The following EYS variants were observed in gnomAD, a reference collection of about 807,000 sequenced individuals.
EYS encodes the protein EGF-like photoreceptor maintenance factor, also known as protein eyes shut homolog.
A neutral mutation model predicts 282.1 loss-of-function variants in EYS; 250 were observed. The ratio of observed to expected loss-of-function variants is 0.89; its 90% CI spans 0.80 to 0.98. EYS has a LOEUF of 0.98. Ranked by LOEUF, EYS falls within the 50% of genes least tolerant of loss-of-function variation. The probability of loss-of-function intolerance (pLI) is 0.00; values close to 1 mark genes in which losing one functional copy is unlikely to be tolerated. For synonymous variants in EYS, 1,355 were observed against 1,282.9 expected (o/e 1.06, Z -1.20); for missense variants, 4,016 against 3,709.0 (o/e 1.08, Z -2.15).
chr6:65,009,572 G>A (rs1482689515), intron 13 of EYS, among the ~76,000 whole-genome samples: 3 of 152,152 alleles, frequency 2.0e-5, no homozygotes, highest in East Asian at 3.9e-4. Flanking sequence ...CACCTGGACT[G>A]TTTTACCCCA....
In EYS at chr6:64,971,467, GA is replaced by G. The variant is rs1354228308; in HGVS notation, c.2260-25554del. On this transcript the variant is annotated intron_variant, in intron 14 of 42. Transcript: ENST00000503581. Reference sequence around the variant, plus strand: ...AGCTGCTACACACTAAGTTTGAAGGGAAAAAAAATAAACAGCTTCCAGTTTT... The same window carrying G: ...AGCTGCTACACACTAAGTTTGAAGGGAAAAAAATAAACAGCTTCCAGTTTT... 2.0e-5 allele frequency among the ~76,000 whole-genome samples: 3 copies of G among 151,768 alleles called. No individual in the cohort carries two copies. In the East Asian group the frequency reaches 5.8e-4, roughly 29 times the overall value.
intron 11 of EYS, among the ~76,000 whole-genome samples, chr6:65,319,236 C>T (rs1315052880): frequency 1.4e-5 from 2 of 144,812 alleles, no homozygotes; most frequent in Admixed American, 6.8e-5. Context: ...AACAATTAGC[C>T]GGGCATCGTG....
Position 64,197,407 on chromosome 6 carries a change from A to G in EYS, c.6424+33185T>C, listed in dbSNP as rs960518951. Among the ~76,000 whole-genome samples, 7 of 152,140 alleles carry G rather than the reference A, an allele frequency of 4.6e-5. No homozygotes were observed. In the South Asian group the frequency reaches 1.2e-3, roughly 27 times the overall value. ...CCTAAAATTTATCTCCTGTCCTTAA[A>G]CATATTTCCCAACAGTTTGAGAAGC... On this transcript the variant is annotated intron_variant, in intron 31 of 42. Coordinates refer to ENST00000503581, the MANE Select transcript of EYS (RefSeq NM_001142800.2).
At chr6:64,124,358 GA>G (rs1773691354) in intron 31 of EYS, among the ~76,000 whole-genome samples, 1 of 152,112 alleles carries the variant, frequency 6.6e-6, no homozygotes, top group Non-Finnish European at 1.5e-5. Context: ...CTCTCTAGGG[GA>G]AAGTTTTGGA....
intron 12 of EYS, among the ~76,000 whole-genome samples, chr6:65,117,096 A>G (rs1464386889): frequency 6.6e-6 from 1 of 152,204 alleles, no homozygotes; most frequent in Non-Finnish European, 1.5e-5. Flanking sequence ...TTTAATTGCC[A>G]GACTGCAACT....
intron 11 of EYS, among the ~76,000 whole-genome samples, chr6:65,298,959 A>C (rs1474913510): frequency 6.6e-6 from 1 of 152,064 alleles, no homozygotes; most frequent in African/African-American, 2.4e-5. Context: ...ATTTATACAG[A>C]AATGGAAGTC....
intron 35 of EYS, among the ~76,000 whole-genome samples, chr6:63,895,221 C>T (rs575612517): frequency 1.0e-3 from 128 of 125,748 alleles, no homozygotes; most frequent in Non-Finnish European, 1.9e-3. Context: ...TAGATAGCAT[C>T]TTTTCCCACA....
chr6:65,283,619 TAG>T (rs1768282394), intron 12 of EYS, among the ~76,000 whole-genome samples: 1 of 152,046 alleles, frequency 6.6e-6, no homozygotes, highest in Admixed American at 6.6e-5. Flanking sequence ...AATAGTAAAA[TAG>T]AGTTACTCTG....
chr6:64,575,464 C>T (rs953414817), intron 26 of EYS, among the ~76,000 whole-genome samples: 1 of 152,102 alleles, frequency 6.6e-6, no homozygotes, highest in African/African-American at 2.4e-5. Context: ...AAGGAAGAGA[C>T]AGCTTCATGG....
intron 29 of EYS, among the ~76,000 whole-genome samples, chr6:64,355,945 C>T (rs1489135434): frequency 2.0e-5 from 3 of 151,580 alleles, no homozygotes; most frequent in Non-Finnish European, 4.4e-5. Flanking sequence ...TTTAAGATGC[C>T]AGGCACTCTG....
intron 35 of EYS, among the ~76,000 whole-genome samples, chr6:63,915,826 G>A (rs982242687): frequency 4.9e-4 from 75 of 152,280 alleles, no homozygotes; most frequent in African/African-American, 1.5e-3. Flanking sequence ...GGAGCCTGAA[G>A]ATGTGACTGA....
chr6:64,423,500 C>A (rs1431082198), intron 28 of EYS, among the ~76,000 whole-genome samples: 1 of 152,140 alleles, frequency 6.6e-6, no homozygotes, highest in Non-Finnish European at 1.5e-5. Flanking sequence ...AATCGTCATG[C>A]CTCTTGAGGT....
intron 33 of EYS, among the ~76,000 whole-genome samples, chr6:64,021,321 T>TG (rs932613504): frequency 6.6e-6 from 1 of 151,964 alleles, no homozygotes; most frequent in African/African-American, 2.4e-5. Context: ...AGTGCTAGAC[T>TG]GGGGGGAGTT....
At chr6:64,706,026 A>G (rs972888725) in intron 22 of EYS, among the ~76,000 whole-genome samples, 5 of 152,038 alleles carry the variant, frequency 3.3e-5, no homozygotes, top group Admixed American at 1.3e-4. Context: ...TTCAAAAAAA[A>G]AAAAGCACAA....
At position 64,724,586 on chromosome 6, in the gene EYS, G is replaced by T. The variant is rs1265546039; in HGVS notation, c.3443+88792C>A. Among the ~76,000 whole-genome samples the T allele has an allele frequency of 9.9e-5, 15 of 152,178 alleles. No individual in the cohort carries two copies. The East Asian group carries it at 2.7e-3, about 27-fold the overall frequency. ...AAAGAATAGTTTACATCTGAAGTCA[G>T]ATTTATTTTGAAATTTCACATGCTA... is the stretch of plus-strand genomic sequence containing the variant. On this transcript the variant is annotated intron_variant, in intron 22 of 42. Coordinates refer to ENST00000503581, the MANE Select transcript of EYS (RefSeq NM_001142800.2).
At chr6:63,746,597 T>A (rs1180512811) in intron 41 of EYS, among the ~76,000 whole-genome samples, 1 of 152,186 alleles carries the variant, frequency 6.6e-6, no homozygotes, top group Non-Finnish European at 1.5e-5. Context: ...CTGCCTCAAT[T>A]TTAGAACTTG....
At chr6:65,519,913 G>GT (rs1767303408) in intron 2 of EYS, among the ~76,000 whole-genome samples, 1 of 144,860 alleles carries the variant, frequency 6.9e-6, no homozygotes, top group African/African-American at 2.5e-5. Flanking sequence ...TTGTAGAGAT[G>GT]AGGTTTCACC....
intron 33 of EYS, among the ~76,000 whole-genome samples, chr6:64,018,742 T>C (rs1035676077): frequency 9.5e-5 from 14 of 147,796 alleles, no homozygotes; most frequent in African/African-American, 3.5e-4. Flanking sequence ...GGGAGTGTCC[T>C]GAATGTCATC....
chr6:64,318,484 T>C (rs1207616677), intron 29 of EYS, among the ~76,000 whole-genome samples: 2 of 152,014 alleles, frequency 1.3e-5, no homozygotes, highest in African/African-American at 4.8e-5. Flanking sequence ...AACTCAACAA[T>C]TTTAAATACA....
Sources: allele counts gnomAD v4.1 joint callset (sites outside exome capture counted in the v4.1 genomes callset), GRCh38; gene constraint gnomAD v4.1.1; transcripts MANE v1.5; gene names NCBI Gene and HGNC (gene_info 2026-07-23, HGNC 2026-07-21).